The following RBFOX1 variants were observed in gnomAD, a reference collection of about 807,000 sequenced individuals.
RBFOX1 encodes RNA binding fox-1 homolog 1, also known as RNA binding protein fox-1 homolog 1.
In RBFOX1, 8 loss-of-function variants were observed where a neutral mutation model predicts 57.7. The observed-to-expected ratio is 0.14, with a 90% CI of 0.08 to 0.25. The LOEUF is 0.25. Among genes scored for constraint, RBFOX1 ranks in the 10% least tolerant of loss-of-function variants. The pLI is 1.00. For synonymous variants in RBFOX1, 326 were observed against 222.4 expected (o/e 1.47, Z -4.15); for missense variants, 611 against 548.5 (o/e 1.11, Z -1.14).
chr16:6,644,806 C>T (rs944646218), intron 2 of RBFOX1, among the ~76,000 whole-genome samples: 1 of 152,150 alleles, frequency 6.6e-6, no homozygotes, highest in African/African-American at 2.4e-5. Flanking sequence ...TTCTTGTCCC[C>T]TAGAGCTTAG....
chr16:5,433,607 A>T (rs188550774), intron 1 of RBFOX1, among the ~76,000 whole-genome samples: 102 of 152,370 alleles, frequency 6.7e-4, no homozygotes, highest in Admixed American at 1.7e-3. Flanking sequence ...CATCTATTTT[A>T]TCCCAATTAC....
chr16:6,161,541 C>T (rs1008949267), intron 1 of RBFOX1, among the ~76,000 whole-genome samples: 2 of 152,126 alleles, frequency 1.3e-5, no homozygotes, highest in Admixed American at 6.6e-5. Context: ...ATTTAACATC[C>T]GCATCCAAAC....
chr16:6,331,586 A>G (rs1185657001), intron 2 of RBFOX1, among the ~76,000 whole-genome samples: 1 of 125,268 alleles, frequency 8.0e-6, no homozygotes, highest in Non-Finnish European at 1.7e-5. Context: ...GTGTATATAT[A>G]TATGTGTGTG....
chr16:7,494,996 G>T (rs546985005), intron 4 of RBFOX1, among the ~76,000 whole-genome samples: 2 of 151,938 alleles, frequency 1.3e-5, no homozygotes, highest in Non-Finnish European at 2.9e-5. Context: ...GTAGTCCCCC[G>T]TGTCTGTTGT....
chr16:5,689,852 G>A (rs961000229), intron 3 of RBFOX1, among the ~76,000 whole-genome samples: 2 of 152,078 alleles, frequency 1.3e-5, no homozygotes, highest in East Asian at 3.9e-4. Flanking sequence ...ATGTATTATG[G>A]TAATCACAAG....
intron 1 of RBFOX1, among the ~76,000 whole-genome samples, chr16:5,381,305 C>G: frequency 6.6e-6 from 1 of 152,324 alleles, no homozygotes. Flanking sequence ...GCAAATCTCT[C>G]CGTAAGCTAC....
chr16:7,261,572 C>T (rs567183864), intron 4 of RBFOX1, among the ~76,000 whole-genome samples: 5 of 152,194 alleles, frequency 3.3e-5, no homozygotes, highest in East Asian at 1.9e-4. Flanking sequence ...TTCATCAAAC[C>T]GTGCTTTAAA....
intron 4 of RBFOX1, among the ~76,000 whole-genome samples, chr16:7,337,212 C>T (rs1450161995): frequency 6.6e-6 from 1 of 152,006 alleles, no homozygotes; most frequent in East Asian, 1.9e-4. Flanking sequence ...ATTTGTTGAA[C>T]CAGGGTCTTT....
chr16:6,830,286 A>G (rs983982418), intron 3 of RBFOX1, among the ~76,000 whole-genome samples: 6 of 152,226 alleles, frequency 3.9e-5, no homozygotes, highest in Non-Finnish European at 5.9e-5. Flanking sequence ...GATATACACA[A>G]CAGGGAAAGT....
intron 2 of RBFOX1, among the ~76,000 whole-genome samples, chr16:6,526,008 A>T (rs2096572720): frequency 1.3e-5 from 2 of 152,180 alleles, no homozygotes; most frequent in Non-Finnish European, 2.9e-5. Flanking sequence ...GATATCCAGT[A>T]TGAGATTGGG....
Position 7,566,515 on chromosome 16 carries a change from T to A in RBFOX1, c.271-13262T>A, listed in dbSNP as rs562172936. 3.3e-5 allele frequency among the ~76,000 whole-genome samples: 5 copies of A among 152,270 alleles called. 1 individual carries two copies. In the South Asian group the frequency reaches 1.0e-3, roughly 32 times the overall value. ...AGATATCCTAAGTTCAAACCTTCCA[T>A]CTCCTGGCTGTGTGACTTCGGACAG... On this transcript the variant is annotated intron_variant, in intron 5 of 15. Coordinates refer to ENST00000550418, the MANE Select transcript of RBFOX1 (RefSeq NM_018723.4).
At chr16:5,825,574 C>T (rs2056008804) in intron 3 of RBFOX1, among the ~76,000 whole-genome samples, 1 of 152,134 alleles carries the variant, frequency 6.6e-6, no homozygotes, top group South Asian at 2.1e-4. Context: ...AACCATGTAA[C>T]ATAAAAGTTA....
chr16:7,505,502 CA>C (rs2072981349), intron 4 of RBFOX1, among the ~76,000 whole-genome samples: 1 of 152,182 alleles, frequency 6.6e-6, no homozygotes, highest in South Asian at 2.1e-4. Context: ...TTGGAATTAT[CA>C]CCTCAGAAGT....
At chr16:5,713,721 T>G (rs1047899347) in intron 3 of RBFOX1, among the ~76,000 whole-genome samples, 1 of 152,192 alleles carries the variant, frequency 6.6e-6, no homozygotes, top group Non-Finnish European at 1.5e-5. Flanking sequence ...ACGCACAAAG[T>G]GCCCACAGCA....
chr16:6,689,064 T>C (rs1408119804), intron 3 of RBFOX1, among the ~76,000 whole-genome samples: 1 of 152,232 alleles, frequency 6.6e-6, no homozygotes, highest in Non-Finnish European at 1.5e-5. Flanking sequence ...TGGTTGCAAG[T>C]CTTTGCTATT....
At chr16:6,924,683 ATTT>A (rs2075194409) in intron 3 of RBFOX1, among the ~76,000 whole-genome samples, 1 of 150,080 alleles carries the variant, frequency 6.7e-6, no homozygotes, top group Non-Finnish European at 1.5e-5. Context: ...TTTTTTTTTA[ATTT>A]TATTATTATT....
intron 4 of RBFOX1, among the ~76,000 whole-genome samples, chr16:7,327,408 A>G (rs1051777854): frequency 6.6e-6 from 1 of 152,214 alleles, no homozygotes; most frequent in African/African-American, 2.4e-5. Flanking sequence ...ATGCTGTAGG[A>G]AATTTTCCAT....
At chr16:7,272,851 C>CTTCTTCCCTTCCG (rs1212962924) in intron 4 of RBFOX1, among the ~76,000 whole-genome samples, 2 of 142,826 alleles carry the variant, frequency 1.4e-5, no homozygotes, top group East Asian at 2.1e-4. Context: ...CCTCCCTTCC[C>CTTCTTCCCTTCCG]TTCTTCCCTT....
At chr16:7,192,278 T>C (rs1031428304) in intron 4 of RBFOX1, among the ~76,000 whole-genome samples, 6 of 152,146 alleles carry the variant, frequency 3.9e-5, no homozygotes, top group African/African-American at 1.4e-4. Context: ...GAGAGAGAGT[T>C]TCCTTGTGAA....
Sources: gnomAD v4.1 joint callset for allele counts (sites outside exome capture counted in the v4.1 genomes callset) on GRCh38, gnomAD v4.1.1 for gene constraint, MANE v1.5 for transcripts, NCBI Gene and HGNC (gene_info 2026-07-23, HGNC 2026-07-21) for gene names.